Variants in CPQ observed in about 807,000 individuals in gnomAD.
CPQ encodes the protein Ser-Met dipeptidase.
In CPQ, 37 loss-of-function variants were observed where a neutral mutation model predicts 45.7. The observed-to-expected ratio is 0.81, with a 90% CI of 0.62 to 1.07. CPQ has a LOEUF of 1.07. Ranked by LOEUF, CPQ falls within the 50% of genes least tolerant of loss-of-function variation. CPQ has a pLI of 0.00. For missense variants in CPQ, 537 were observed against 572.9 expected (o/e 0.94, Z 0.64); for synonymous variants, 186 against 205.8 (o/e 0.90, Z 0.82).
rs572172849 is a variant in CPQ at position 96,672,470 on chromosome 8, A to G, written c.-35+27068A>G. ...TTTATAGCATGCTTGGAGGTGGCAT[A>G]TTCTATGCCAAAAAATAAAGCAAAG... On this transcript the variant is annotated intron_variant, in intron 1 of 7. Coordinates refer to ENST00000220763, the MANE Select transcript of CPQ (RefSeq NM_016134.4). Among the ~76,000 whole-genome samples, 12 of 152,286 alleles carry G rather than the reference A, an allele frequency of 7.9e-5. No individual in the cohort carries two copies. In the South Asian group the frequency reaches 2.3e-3, roughly 29 times the overall value.
intron 5 of CPQ, among the ~76,000 whole-genome samples, chr8:96,981,896 A>G (rs890435160): frequency 6.6e-5 from 10 of 152,214 alleles, no homozygotes; most frequent in Non-Finnish European, 1.5e-4. Context: ...TATTATTACC[A>G]CTGGCAGGTC....
intron 7 of CPQ, among the ~76,000 whole-genome samples, chr8:97,120,086 T>G (rs556616099): frequency 4.6e-5 from 7 of 152,142 alleles, no homozygotes; most frequent in Admixed American, 3.9e-4. Flanking sequence ...CATACACAAG[T>G]AAATAACAAA....
chr8:96,944,382 C>G (rs1217677875), intron 4 of CPQ, among the ~76,000 whole-genome samples: 3 of 152,036 alleles, frequency 2.0e-5, no homozygotes, highest in Admixed American at 6.6e-5. Flanking sequence ...GTTCATGACC[C>G]CCTGCTTCTG....
At chr8:96,797,940 ACT>A (rs1810956650) in intron 2 of CPQ, among the ~76,000 whole-genome samples, 1 of 151,778 alleles carries the variant, frequency 6.6e-6, no homozygotes, top group African/African-American at 2.4e-5. Context: ...AGTCCCAGCT[ACT>A]CAGGAGGCTA....
intron 4 of CPQ, among the ~76,000 whole-genome samples, chr8:96,958,707 T>C (rs141154318): frequency 6.6e-6 from 1 of 152,142 alleles, no homozygotes; most frequent in Admixed American, 6.5e-5. Context: ...TCTAGTAACA[T>C]GCTCACAGCA....
chr8:96,870,876 A>G (rs1812059097), intron 3 of CPQ, among the ~76,000 whole-genome samples: 1 of 151,996 alleles, frequency 6.6e-6, no homozygotes, highest in Non-Finnish European at 1.5e-5. Flanking sequence ...AGGGATCACT[A>G]CATATTTGAA....
At chr8:96,674,038 T>G in intron 1 of CPQ, among the ~76,000 whole-genome samples, 1 of 152,138 alleles carries the variant, frequency 6.6e-6, no homozygotes. Context: ...AAAAAGTAAT[T>G]GTTCAACTAG....
intron 1 of CPQ, among the ~76,000 whole-genome samples, chr8:96,722,550 A>G (rs1245554700): frequency 6.6e-6 from 1 of 152,174 alleles, no homozygotes; most frequent in Non-Finnish European, 1.5e-5. Context: ...TTTGCTGACC[A>G]CTGGTCTACA....
intron 3 of CPQ, among the ~76,000 whole-genome samples, chr8:96,847,537 TA>T (rs1467617342): frequency 6.6e-6 from 1 of 152,214 alleles, no homozygotes; most frequent in African/African-American, 2.4e-5. Context: ...TAAGCTTGAA[TA>T]TTTGAAGCAC....
rs201861702 is a variant in CPQ at position 96,784,935 on chromosome 8, A to T, written c.38A>T (p.His13Leu). 1 of 1,611,282 alleles carries T rather than the reference A, an allele frequency of 6.2e-7. No homozygotes were observed. Among genetic ancestry groups the T allele is most frequent in the South Asian group, 1.1e-5 (1 of 90,810 alleles). ...FLIFAFFGGV[H>L]LLSLCSGKAI... ...ATCTTCGCATTTTTCGGTGGTGTTC[A>T]CCTTTTATCCCTGTGCTCTGGGAAA... The change falls in exon 2 of 8, where the codon CAC becomes CTC. Residue 13 changes from histidine to leucine, a missense_variant. Transcript: ENST00000220763.
intron 5 of CPQ, among the ~76,000 whole-genome samples, chr8:96,968,293 T>A (rs1813604819): frequency 6.6e-6 from 1 of 152,232 alleles, no homozygotes; most frequent in Admixed American, 6.5e-5. Flanking sequence ...TATATCCTGC[T>A]TATGTTTAAT....
At chr8:97,083,651 G>A (rs967267472) in intron 7 of CPQ, among the ~76,000 whole-genome samples, 1 of 152,176 alleles carries the variant, frequency 6.6e-6, no homozygotes, top group Admixed American at 6.6e-5. Flanking sequence ...TTCAGCCAAA[G>A]TAAATTGATT....
chr8:96,859,525 G>A (rs534818467), intron 3 of CPQ, among the ~76,000 whole-genome samples: 41 of 152,298 alleles, frequency 2.7e-4, no homozygotes, highest in Middle Eastern at 6.8e-3. Flanking sequence ...GCTTAGGGTG[G>A]CAAGTGTCCC....
intron 1 of CPQ, among the ~76,000 whole-genome samples, chr8:96,730,121 A>C (rs1809891318): frequency 6.6e-6 from 1 of 152,246 alleles, no homozygotes; most frequent in African/African-American, 2.4e-5. Context: ...CAGGGCTGAC[A>C]GACACAAACT....
chr8:96,858,365 A>G (rs1035700231), intron 3 of CPQ, among the ~76,000 whole-genome samples: 5 of 152,178 alleles, frequency 3.3e-5, no homozygotes, highest in African/African-American at 1.2e-4. Context: ...TGCTTTTATC[A>G]GATAATCTTC....
chr8:96,979,994 T>G (rs1228118569), intron 5 of CPQ, among the ~76,000 whole-genome samples: 1 of 152,112 alleles, frequency 6.6e-6, no homozygotes, highest in Non-Finnish European at 1.5e-5. Context: ...AATCCTTAAA[T>G]AATTCAAAAT....
In CPQ at chr8:96,848,850, ATGTTTG is replaced by A. The variant is rs1586425211; in HGVS notation, c.641+13672_641+13677del. On this transcript the variant is annotated intron_variant, in intron 3 of 7. Coordinates refer to ENST00000220763, the MANE Select transcript of CPQ (RefSeq NM_016134.4). ...TAGTGGCATTTTATGAATTTTTGTT[ATGTTTG>A]TATTTGTCAGCATTTTGTGTCAAAC... Among the ~76,000 whole-genome samples the A allele has an allele frequency of 2.0e-5, 3 of 152,174 alleles. No homozygotes were observed. The East Asian group carries it at 5.8e-4, about 29-fold the overall frequency.
chr8:97,073,474 C>G (rs1312677123), intron 7 of CPQ, among the ~76,000 whole-genome samples: 1 of 152,200 alleles, frequency 6.6e-6, no homozygotes, highest in Non-Finnish European at 1.5e-5. Flanking sequence ...AAACACTGTA[C>G]AGTGATGTTT....
At chr8:96,674,959 A>T (rs912725882) in intron 1 of CPQ, among the ~76,000 whole-genome samples, 2 of 152,070 alleles carry the variant, frequency 1.3e-5, no homozygotes, top group African/African-American at 4.8e-5. Flanking sequence ...TTAAGGGCTA[A>T]ATTTATCCCG....
Sources: gnomAD v4.1 joint callset for allele counts (sites outside exome capture counted in the v4.1 genomes callset) on GRCh38, gnomAD v4.1.1 for gene constraint, MANE v1.5 for transcripts, NCBI Gene and HGNC (gene_info 2026-07-23, HGNC 2026-07-21) for gene names.